SLC38A2: variants seen among roughly 807,000 people sequenced by gnomAD.
SLC38A2 encodes solute carrier family 38 member 2, also known as sodium-coupled neutral amino acid symporter 2.
In SLC38A2, 11 loss-of-function variants were observed where a neutral mutation model predicts 61.5. The ratio of observed to expected loss-of-function variants is 0.18; its 90% confidence interval spans 0.11 to 0.30. The LOEUF is 0.30. SLC38A2 is among the 10% of genes least tolerant of loss of function. The pLI is 1.00. For synonymous variants in SLC38A2, 217 were observed against 212.5 expected (o/e 1.02, Z -0.18); for missense variants, 522 against 600.4 (o/e 0.87, Z 1.36).
chr12:46,368,654 C>G (rs2120561332), intron 4 of SLC38A2, among the ~76,000 whole-genome samples: 2 of 152,316 alleles, frequency 1.3e-5, no homozygotes, highest in East Asian at 3.9e-4. Flanking sequence ...GACAAAGAAA[C>G]TGATGTCTAT....
In SLC38A2 at chr12:46,361,079, G is replaced by A. The variant is rs1943075809; in HGVS notation, c.*32C>T. 16 of 1,551,598 alleles carry A rather than the reference G, an allele frequency of 1.0e-5. No individual in the cohort carries two copies. The highest frequency in any genetic ancestry group is 1.4e-5 in the Non-Finnish European group (16 of 1,126,252). On this transcript the variant is annotated 3_prime_UTR_variant, in exon 16 of 16. Coordinates refer to ENST00000256689, the MANE Select transcript of SLC38A2 (RefSeq NM_018976.5). Reference sequence around the variant, plus strand: ...TTGAGTTTACTCAACACTGGCATCAGATGGACTGAGTTTGAGTTTGAGTGG... The same window carrying A: ...TTGAGTTTACTCAACACTGGCATCAAATGGACTGAGTTTGAGTTTGAGTGG...
In SLC38A2 at chr12:46,365,165, A is replaced by G. The variant is rs769961781; in HGVS notation, c.588T>C (p.Tyr196=). Residue 196 remains tyrosine (Y), a synonymous_variant, in exon 8 of 16, where the codon TAT becomes TAC. Coordinates refer to ENST00000256689, the MANE Select transcript of SLC38A2 (RefSeq NM_018976.5). ...CCACCAATGACACCAACAGAACCAA[A>G]TAGTTCCCGTTCAGATACCACAATC... ...KTGLWYLNGN[Y]LVLLVSLVVI... is the part of the protein sequence containing the mutation. The G allele has an allele frequency of 6.2e-7, 1 of 1,613,590 alleles. No homozygotes were observed. Among genetic ancestry groups the G allele is most frequent in the African/African-American group, 1.3e-5 (1 of 75,024 alleles).
chr12:46,365,584 TTTC>T (rs1943131174), intron 7 of SLC38A2, among the ~76,000 whole-genome samples: 2 of 152,194 alleles, frequency 1.3e-5, no homozygotes, highest in Non-Finnish European at 1.5e-5. Flanking sequence ...TAGCATGTAA[TTTC>T]TAATGCTGGA....
intron 7 of SLC38A2, among the ~76,000 whole-genome samples, chr12:46,366,655 T>G (rs762283962): frequency 6.6e-6 from 1 of 152,184 alleles, no homozygotes; most frequent in African/African-American, 2.4e-5. Flanking sequence ...AATTAAGATA[T>G]CCAAAATTGT....
At chr12:46,365,233 CT>C in intron 7 of SLC38A2, 44 bp from the exon 8 acceptor site, 1 of 1,466,606 alleles carries the variant, frequency 6.8e-7, no homozygotes, top group Non-Finnish European at 9.6e-7. Flanking sequence ...CAAATATCCT[CT>C]GAAAAATATA....
Position 46,370,686 on chromosome 12 carries a change from C to G in SLC38A2, c.199-59G>C, listed in dbSNP as rs988904080. The G allele has an allele frequency of 3.2e-6, 5 of 1,558,522 alleles. No individual in the cohort carries two copies. The African/African-American group carries it at 6.8e-5, about 21-fold the overall frequency. On this transcript the variant is annotated intron_variant, in intron 3 of 15. Transcript: ENST00000256689. ...ACAATAATTAAATGGAGAAAACCAG[C>G]TTTGGGCAAGTTAGATTTGAATTCT... is the stretch of plus-strand genomic sequence containing the variant.
intron 7 of SLC38A2, 85 bp from the exon 8 acceptor site, chr12:46,365,274 G>C (rs12307969): frequency 0.5 from 528,990 of 1,065,830 alleles, 136,403 homozygotes; most frequent in South Asian, 0.53. Context: ...CATTTCATAG[G>C]AATACCATGA....
At chr12:46,371,985 C>T (rs1160408371) in intron 1 of SLC38A2, among the ~76,000 whole-genome samples, 1 of 151,962 alleles carries the variant, frequency 6.6e-6, no homozygotes, top group Non-Finnish European at 1.5e-5. Context: ...CTCAAGCACA[C>T]CCGTCCACAG....
intron 5 of SLC38A2, 30 bp from the exon 6 acceptor site, chr12:46,367,198 A>T (rs903949740): frequency 1.3e-5 from 20 of 1,598,182 alleles, no homozygotes; most frequent in Non-Finnish European, 1.5e-5. Flanking sequence ...GCATGAAGCC[A>T]AGGATTTTAA....
rs1183519626 is a variant in SLC38A2 at position 46,364,460 on chromosome 12, C to T, written c.802G>A (p.Val268Ile). The change falls in exon 10 of 16, where the codon GTA becomes ATA. Residue 268 changes from valine to isoleucine, a missense_variant. Coordinates refer to ENST00000256689, the MANE Select transcript of SLC38A2 (RefSeq NM_018976.5). ...GTCACGTTATGTGACAAAGCAGGTA[C>T]AAGAGCTGTTGGCTGTGTTAAGGTG... The part of the protein sequence containing the change: ...NTTLTQPTAL[V>I]PALSHNVTEN... 22 of 1,612,808 alleles carry T rather than the reference C, an allele frequency of 1.4e-5. No homozygotes were observed. Among genetic ancestry groups the T allele is most frequent in the Non-Finnish European group, 1.9e-5 (22 of 1,179,376 alleles).
intron 12 of SLC38A2, 91 bp from the exon 13 acceptor site, chr12:46,363,236 G>A (rs1216073879): frequency 1.4e-6 from 2 of 1,393,784 alleles, no homozygotes; most frequent in Admixed American, 3.9e-5. Flanking sequence ...CAGTTATTTA[G>A]CTACTCACAA....
chr12:46,369,266 G>A (rs1205292769), intron 4 of SLC38A2, among the ~76,000 whole-genome samples: 2 of 152,176 alleles, frequency 1.3e-5, no homozygotes, highest in Non-Finnish European at 2.9e-5. Flanking sequence ...AAGAACTCCT[G>A]AGATTCTAGG....
intron 4 of SLC38A2, among the ~76,000 whole-genome samples, chr12:46,369,496 A>G (rs1943172089): frequency 6.6e-6 from 1 of 152,214 alleles, no homozygotes; most frequent in Non-Finnish European, 1.5e-5. Context: ...GGCACCAATC[A>G]GCTAAGTAAA....
chr12:46,361,253 T>C (rs751819779), intron 15 of SLC38A2, 44 bp from the exon 16 acceptor site: 2 of 1,462,586 alleles, frequency 1.4e-6, no homozygotes, highest in East Asian at 2.3e-5. Flanking sequence ...TAATAAAACA[T>C]ATATGCTAAA....
At position 46,370,817 on chromosome 12, in the gene SLC38A2, G is replaced by A. The variant is rs762855743; in HGVS notation, c.157C>T (p.Leu53Phe). The A allele has an allele frequency of 2.5e-6, 4 of 1,612,600 alleles. No homozygotes were observed. The African/African-American group carries it at 4.0e-5, about 16-fold the overall frequency. The part of the protein sequence containing the change: ...DVDPENQNFL[L>F]ESNLGKKKYE... ...TTCTTCTTCCCCAAATTCGATTCAA[G>A]TAAAAAGTTCTGGTTTTCAGGATCT... Residue 53 changes from leucine (L) to phenylalanine (F), a missense_variant, in exon 3 of 16, where the codon CTT (leucine) becomes TTT (phenylalanine). Transcript: ENST00000256689.
chr12:46,367,235 T>C (rs535106863), intron 5 of SLC38A2, 32 bp downstream of exon 5: 7 of 1,585,268 alleles, frequency 4.4e-6, no homozygotes, highest in Admixed American at 1.7e-5. Flanking sequence ...TAGGTATACA[T>C]TGTTTTAGAA....
chr12:46,364,233 T>A (rs1943114234), intron 10 of SLC38A2, among the ~76,000 whole-genome samples, 156 bp downstream of exon 10: 1 of 152,100 alleles, frequency 6.6e-6, no homozygotes, highest in Non-Finnish European at 1.5e-5. Context: ...TATTTTCAGA[T>A]GTAAACCAAA....
intron 10 of SLC38A2, 104 bp downstream of exon 10, chr12:46,364,285 T>C (rs1291314913): frequency 2.3e-5 from 28 of 1,224,298 alleles, no homozygotes; most frequent in Middle Eastern, 5.2e-4. Flanking sequence ...TCACATGTTT[T>C]CTATAAAGCA....
chr12:46,371,599 A>G (rs953391510), intron 1 of SLC38A2: 1 of 351,418 alleles, frequency 2.8e-6, no homozygotes, highest in Non-Finnish European at 5.2e-6. Context: ...GCGGCCGTCG[A>G]GGCCCCCTAC....
Sources: gnomAD v4.1 joint callset for allele counts (sites outside exome capture counted in the v4.1 genomes callset) on GRCh38, gnomAD v4.1.1 for gene constraint, MANE v1.5 for transcripts, NCBI Gene and HGNC (gene_info 2026-07-23, HGNC 2026-07-21) for gene names.